The following PXDNL variants were observed in gnomAD, a reference collection of about 807,000 sequenced individuals.
PXDNL encodes peroxidasin like.
PXDNL carries 145 observed loss-of-function variants against 150.8 expected under a neutral mutation model. That is an observed-to-expected ratio of 0.96 (90% CI 0.84 to 1.10). The LOEUF (loss-of-function observed/expected upper bound fraction) is 1.10. PXDNL is among the 50% of genes least tolerant of loss of function. PXDNL has a pLI of 0.00. For synonymous variants in PXDNL, 757 were observed against 725.7 expected, an observed-to-expected ratio of 1.04 and a Z score of -0.69; for missense variants, 2,087 against 1,873.9, an observed-to-expected ratio of 1.11 and a Z score of -2.10.
chr8:51,475,095 G>C lies in PXDNL; in HGVS notation c.571C>G (p.Leu191Val). ...GCAAAGCCTTGTAAAAGCTCCCCCA[G>C]CCACATCAGATCACAGTCACAAACC... ...ALVCDCDLMW[L>V]GELLQGFAQH... Residue 191 changes from leucine to valine, a missense_variant, in exon 7 of 23, where the codon CTG (leucine) becomes GTG (valine). Transcript: ENST00000356297. The C allele has an allele frequency of 6.2e-7, 1 of 1,613,930 alleles. No homozygotes were observed. Among genetic ancestry groups the C allele is most frequent in the South Asian group, 1.1e-5 (1 of 91,082 alleles).
At chr8:51,710,210 T>C (rs1816467086) in intron 1 of PXDNL, among the ~76,000 whole-genome samples, 1 of 152,244 alleles carries the variant, frequency 6.6e-6, no homozygotes, top group African/African-American at 2.4e-5. Context: ...AAATCTGTCT[T>C]GCTCTAGATT....
At chr8:51,737,759 C>A (rs868508139) in intron 1 of PXDNL, among the ~76,000 whole-genome samples, 1 of 151,916 alleles carries the variant, frequency 6.6e-6, no homozygotes, top group Non-Finnish European at 1.5e-5. Flanking sequence ...CTGTCAGACC[C>A]CCCCCACCAC....
intron 1 of PXDNL, among the ~76,000 whole-genome samples, chr8:51,738,282 A>G (rs370166207): frequency 1.3e-5 from 2 of 152,316 alleles, no homozygotes; most frequent in South Asian, 2.1e-4. Flanking sequence ...TGCCCCTGAT[A>G]GCCAGCCCTG....
intron 4 of PXDNL, among the ~76,000 whole-genome samples, chr8:51,547,651 C>T (rs1245179795): frequency 2.0e-5 from 3 of 152,124 alleles, no homozygotes; most frequent in Non-Finnish European, 4.4e-5. Flanking sequence ...GGGAGAAAAC[C>T]ACATCAAGGG....
chr8:51,556,951 A>G (rs1812613619), intron 3 of PXDNL, 40 bp from the exon 4 acceptor site: 18 of 1,187,438 alleles, frequency 1.5e-5, no homozygotes, highest in Non-Finnish European at 2.3e-5. Context: ...ATAAATTAGT[A>G]GAGATACCAC....
chr8:51,571,816 G>A (rs536789246), intron 3 of PXDNL, among the ~76,000 whole-genome samples: 8 of 151,758 alleles, frequency 5.3e-5, no homozygotes, highest in Non-Finnish European at 1.2e-4. Context: ...AAAATTCAAT[G>A]AGGCACTTAT....
At chr8:51,582,388 G>A (rs533780354) in intron 3 of PXDNL, among the ~76,000 whole-genome samples, 2 of 152,038 alleles carry the variant, frequency 1.3e-5, no homozygotes, top group African/African-American at 4.8e-5. Context: ...ATCCTGAGCC[G>A]ATCAAGATAT....
At chr8:51,343,115 A>G (rs1806038899) in intron 20 of PXDNL, among the ~76,000 whole-genome samples, 1 of 152,170 alleles carries the variant, frequency 6.6e-6, no homozygotes, top group Non-Finnish European at 1.5e-5. Flanking sequence ...CATAAAACTC[A>G]ACATATTGCT....
At chr8:51,498,933 T>C (rs1811118694) in intron 5 of PXDNL, among the ~76,000 whole-genome samples, 1 of 152,238 alleles carries the variant, frequency 6.6e-6, no homozygotes, top group Non-Finnish European at 1.5e-5. Flanking sequence ...CAACAGCTTA[T>C]TTCTCTACTC....
At chr8:51,332,285 C>G (rs1487902473) in intron 21 of PXDNL, among the ~76,000 whole-genome samples, 1 of 152,154 alleles carries the variant, frequency 6.6e-6, no homozygotes, top group Non-Finnish European at 1.5e-5. Context: ...GGGGTGAGTA[C>G]TACATCAAGA....
intron 1 of PXDNL, among the ~76,000 whole-genome samples, chr8:51,676,860 A>G (rs1158789285): frequency 1.3e-5 from 2 of 152,222 alleles, no homozygotes; most frequent in African/African-American, 4.8e-5. Context: ...AAGAAGATCA[A>G]TAAGTAACCC....
chr8:51,460,855 C>T (rs1284330178), intron 8 of PXDNL, among the ~76,000 whole-genome samples: 1 of 152,126 alleles, frequency 6.6e-6, no homozygotes, highest in Non-Finnish European at 1.5e-5. Flanking sequence ...CATAGGTGCC[C>T]ATGCCCCAAG....
At chr8:51,329,772 CGTAAT>C (rs1229315106) in intron 21 of PXDNL, among the ~76,000 whole-genome samples, 3 of 152,064 alleles carry the variant, frequency 2.0e-5, no homozygotes, top group Non-Finnish European at 4.4e-5. Flanking sequence ...CATCAGTAGA[CGTAAT>C]GTATTAGTCA....
chr8:51,595,851 G>A (rs1813551584), intron 2 of PXDNL, among the ~76,000 whole-genome samples: 1 of 151,952 alleles, frequency 6.6e-6, no homozygotes, highest in South Asian at 2.1e-4. Flanking sequence ...AGGAAAATGA[G>A]CAAGGAAAGG....
chr8:51,549,402 C>T (rs185646384), intron 4 of PXDNL, among the ~76,000 whole-genome samples: 275 of 152,150 alleles, frequency 1.8e-3, no homozygotes, highest in African/African-American at 4.8e-3. Flanking sequence ...GAACATGGAA[C>T]ATTCTCCAAG....
intron 5 of PXDNL, among the ~76,000 whole-genome samples, chr8:51,486,518 C>A (rs1286167936): frequency 3.2e-4 from 49 of 151,550 alleles, no homozygotes; most frequent in Admixed American, 3.2e-3. Context: ...GAATACTATC[C>A]CAGTAGTATT....
chr8:51,362,243 C>T (rs1806775816), intron 19 of PXDNL, among the ~76,000 whole-genome samples: 1 of 152,206 alleles, frequency 6.6e-6, no homozygotes, highest in Admixed American at 6.5e-5. Flanking sequence ...GCTTCTTTCT[C>T]ACAGCAATCC....
At chr8:51,686,624 T>G in intron 1 of PXDNL, among the ~76,000 whole-genome samples, 1 of 152,230 alleles carries the variant, frequency 6.6e-6, no homozygotes, top group East Asian at 1.9e-4. Context: ...TAACCTAGAA[T>G]TAATGGAAAA....
intron 1 of PXDNL, among the ~76,000 whole-genome samples, chr8:51,686,474 A>G (rs907170562): frequency 2.0e-5 from 3 of 152,176 alleles, no homozygotes; most frequent in Non-Finnish European, 2.9e-5. Flanking sequence ...CTGTTCCCCA[A>G]TCGGGGGGGC....
Sources: gnomAD v4.1 joint callset for allele counts (sites outside exome capture counted in the v4.1 genomes callset) on GRCh38, gnomAD v4.1.1 for gene constraint, MANE v1.5 for transcripts, NCBI Gene and HGNC (gene_info 2026-07-23, HGNC 2026-07-21) for gene names.